Variants in LRRC4C observed in about 807,000 individuals in gnomAD.
LRRC4C encodes leucine-rich repeat-containing protein 4C.
LRRC4C carries 5 observed loss-of-function variants against 33.6 expected under a neutral mutation model. That is an observed-to-expected ratio of 0.15 (90% CI 0.08 to 0.31). LRRC4C has a LOEUF of 0.31. Among genes scored for constraint, LRRC4C ranks in the 10% least tolerant of loss-of-function variants. The pLI is 1.00. For synonymous variants in LRRC4C, 329 were observed against 302.0 expected (o/e 1.09, Z -0.93); for missense variants, 560 against 796.7 (o/e 0.70, Z 3.58).
At chr11:40,657,403 A>G (rs546407224) in intron 2 of LRRC4C, among the ~76,000 whole-genome samples, 1 of 152,234 alleles carries the variant, frequency 6.6e-6, no homozygotes. Flanking sequence ...GTAGGGCATG[A>G]AAGGAAAATA....
intron 3 of LRRC4C, among the ~76,000 whole-genome samples, chr11:40,449,358 A>G (rs1951788239): frequency 6.6e-6 from 1 of 151,686 alleles, no homozygotes; most frequent in Non-Finnish European, 1.5e-5. Context: ...AAAAAAAAAA[A>G]TCAACTAAAT....
intron 1 of LRRC4C, among the ~76,000 whole-genome samples, chr11:41,269,198 G>T (rs552811184): frequency 8.9e-4 from 136 of 152,192 alleles, no homozygotes; most frequent in Non-Finnish European, 1.6e-3. Context: ...TTTTTAATGG[G>T]CAAATTACAA....
At position 40,462,886 on chromosome 11, in the gene LRRC4C, C is replaced by T. The variant is rs539403468; in HGVS notation, c.-269-143165G>A. On this transcript the variant is annotated intron_variant, in intron 3 of 6. Transcript: ENST00000528697. ...TAAAGAACCTAAATGGATGGTCCTA[C>T]TCAAAAAATGGATGAAGAATCTACT... 7.2e-5 allele frequency among the ~76,000 whole-genome samples: 11 copies of T among 152,052 alleles called. No homozygotes were observed. The East Asian group carries it at 1.9e-3, about 27-fold the overall frequency.
chr11:40,550,139 G>A (rs1041979003), intron 3 of LRRC4C, among the ~76,000 whole-genome samples: 5 of 152,194 alleles, frequency 3.3e-5, no homozygotes, highest in African/African-American at 1.2e-4. Flanking sequence ...AAATTATACA[G>A]TGAGAGGTCA....
intron 2 of LRRC4C, among the ~76,000 whole-genome samples, chr11:40,863,977 T>C (rs1035255722): frequency 6.6e-6 from 1 of 152,100 alleles, no homozygotes. Flanking sequence ...AAAAATGCAG[T>C]TTTTTTAATT....
intron 3 of LRRC4C, among the ~76,000 whole-genome samples, chr11:40,407,014 A>C (rs1037699487): frequency 6.6e-6 from 1 of 152,102 alleles, no homozygotes; most frequent in Non-Finnish European, 1.5e-5. Context: ...GCTTGTTTGC[A>C]AAGGCATTTT....
intron 2 of LRRC4C, among the ~76,000 whole-genome samples, chr11:40,754,419 C>A (rs1948840553): frequency 6.6e-6 from 1 of 152,116 alleles, no homozygotes; most frequent in Non-Finnish European, 1.5e-5. Context: ...CTAATTGCTC[C>A]TCAGGAGTGA....
intron 3 of LRRC4C, among the ~76,000 whole-genome samples, chr11:40,406,795 A>G (rs976515166): frequency 6.6e-6 from 1 of 152,160 alleles, no homozygotes; most frequent in Non-Finnish European, 1.5e-5. Context: ...CAAATACGAT[A>G]TATTTCTGCC....
At chr11:41,208,282 A>G (rs1398288127) in intron 1 of LRRC4C, among the ~76,000 whole-genome samples, 1 of 152,250 alleles carries the variant, frequency 6.6e-6, no homozygotes, top group East Asian at 1.9e-4. Flanking sequence ...TTGAGATTTC[A>G]TAAAATTGTT....
chr11:41,350,815 A>G (rs1215268098), intron 1 of LRRC4C, among the ~76,000 whole-genome samples: 3 of 152,230 alleles, frequency 2.0e-5, no homozygotes, highest in Non-Finnish European at 4.4e-5. Context: ...AGAGCTATCA[A>G]ACACACTACA....
At chr11:40,651,413 A>T (rs907035938) in intron 2 of LRRC4C, among the ~76,000 whole-genome samples, 11 of 152,156 alleles carry the variant, frequency 7.2e-5, no homozygotes, top group African/African-American at 2.7e-4. Context: ...ACATGGGAGA[A>T]TGAATACCAA....
At chr11:40,382,747 T>TA (rs1222192126) in intron 3 of LRRC4C, among the ~76,000 whole-genome samples, 4 of 143,992 alleles carry the variant, frequency 2.8e-5, no homozygotes, top group Non-Finnish European at 6.0e-5. Context: ...AGGCTGGATT[T>TA]CAGTGGCTCG....
At chr11:40,915,954 C>G (rs888639991) in intron 2 of LRRC4C, among the ~76,000 whole-genome samples, 2 of 152,300 alleles carry the variant, frequency 1.3e-5, no homozygotes, top group Admixed American at 1.3e-4. Context: ...AAATGCTCAT[C>G]ATCACTTGCC....
intron 2 of LRRC4C, among the ~76,000 whole-genome samples, chr11:40,745,338 C>T (rs1053788260): frequency 1.3e-5 from 2 of 152,064 alleles, no homozygotes; most frequent in Non-Finnish European, 2.9e-5. Context: ...GTTTTCAAAA[C>T]AGAGAATGAC....
intron 4 of LRRC4C, among the ~76,000 whole-genome samples, chr11:40,277,847 T>A (rs1377126991): frequency 6.6e-6 from 1 of 152,140 alleles, no homozygotes; most frequent in Non-Finnish European, 1.5e-5. Flanking sequence ...TATCGCTGAT[T>A]TTTTTGTATT....
At chr11:41,005,843 C>T (rs1046962322) in intron 1 of LRRC4C, among the ~76,000 whole-genome samples, 14 of 152,274 alleles carry the variant, frequency 9.2e-5, no homozygotes, top group Admixed American at 8.5e-4. Flanking sequence ...TTTATGGCAA[C>T]ACAAACAGAC....
intron 4 of LRRC4C, among the ~76,000 whole-genome samples, chr11:40,296,122 T>C (rs1346671568): frequency 1.3e-5 from 2 of 152,162 alleles, no homozygotes; most frequent in East Asian, 3.9e-4. Flanking sequence ...AATGAATTAA[T>C]CTATTAGGCA....
At chr11:40,274,175 T>C (rs1329821215) in intron 4 of LRRC4C, among the ~76,000 whole-genome samples, 1 of 151,652 alleles carries the variant, frequency 6.6e-6, no homozygotes, top group Non-Finnish European at 1.5e-5. Flanking sequence ...ACTTGGCTGC[T>C]CCCCAAAAGC....
intron 1 of LRRC4C, among the ~76,000 whole-genome samples, chr11:41,039,467 A>T (rs1857290206): frequency 6.6e-6 from 1 of 152,200 alleles, no homozygotes; most frequent in Non-Finnish European, 1.5e-5. Context: ...AATATTTGTT[A>T]TGTGAATGAC....
Sources: allele counts gnomAD v4.1 joint callset (sites outside exome capture counted in the v4.1 genomes callset), GRCh38; gene constraint gnomAD v4.1.1; transcripts MANE v1.5; gene names NCBI Gene and HGNC (gene_info 2026-07-23, HGNC 2026-07-21).